NCAM1: variants seen among roughly 807,000 people sequenced by gnomAD.
NCAM1 encodes the protein neural cell adhesion molecule 1, also known as antigen recognized by monoclonal antibody 5.1H11.
In NCAM1, 14 loss-of-function variants were observed where a neutral mutation model predicts 109.8. That is an observed-to-expected ratio of 0.13 (90% CI 0.08 to 0.20). The LOEUF is 0.20. Among genes scored for constraint, NCAM1 ranks in the 10% least tolerant of loss-of-function variants. NCAM1 has a pLI of 1.00. For missense variants in NCAM1, 774 were observed against 1,109.9 expected (o/e 0.70, Z 4.30); for synonymous variants, 418 against 442.9 (o/e 0.94, Z 0.70).
chr11:113,194,581 A>T (rs1943796552), intron 1 of NCAM1, among the ~76,000 whole-genome samples: 1 of 152,170 alleles, frequency 6.6e-6, no homozygotes, highest in African/African-American at 2.4e-5. Context: ...GTTATCTGAA[A>T]GTTGTCTGTA....
At chr11:113,083,985 T>A (rs1191660725) in intron 1 of NCAM1, among the ~76,000 whole-genome samples, 8 of 152,042 alleles carry the variant, frequency 5.3e-5, no homozygotes, top group African/African-American at 1.9e-4. Flanking sequence ...GGGGAGGGAA[T>A]AGAAATGAAA....
chr11:113,220,140 A>G (rs928251639), intron 8 of NCAM1, among the ~76,000 whole-genome samples: 1 of 152,220 alleles, frequency 6.6e-6, no homozygotes, highest in Non-Finnish European at 1.5e-5. Flanking sequence ...TTTGAATCCT[A>G]GTATGAAAAA....
chr11:113,257,467 A>C (rs1591465534), intron 16 of NCAM1, among the ~76,000 whole-genome samples: 1 of 152,240 alleles, frequency 6.6e-6, no homozygotes. Flanking sequence ...CCTGAAATGC[A>C]CCTGACACTT....
At chr11:113,271,353 TAGAG>T (rs1480281903) in intron 18 of NCAM1, among the ~76,000 whole-genome samples, 3 of 100,164 alleles carry the variant, frequency 3.0e-5, no homozygotes, top group South Asian at 7.2e-4. Flanking sequence ...CTGGGCGACA[TAGAG>T]AGACTCTGTC....
chr11:113,051,818 C>T (rs1214897698), intron 1 of NCAM1, among the ~76,000 whole-genome samples: 9 of 152,166 alleles, frequency 5.9e-5, no homozygotes, highest in African/African-American at 2.2e-4. Flanking sequence ...CAATGACCAT[C>T]CTTTCAGCTT....
intron 14 of NCAM1, chr11:113,240,601 TAG>T: frequency 1.6e-6 from 1 of 627,546 alleles, no homozygotes; most frequent in Non-Finnish European, 2.8e-6. Context: ...GGTTTGACGT[TAG>T]AGAGAGCCCT....
Position 113,199,785 on chromosome 11 carries a change from A to AT in NCAM1, c.53-2593dup, listed in dbSNP as rs1456976713. On this transcript the variant is annotated intron_variant, in intron 1 of 19. Transcript: ENST00000316851. ...GTACCCTAAAACTTAAAGTATAATAATAAAAAAAAGAATATTTTGCAAATA... is the reference window on the plus strand; with the variant it reads ...GTACCCTAAAACTTAAAGTATAATAATTAAAAAAAAGAATATTTTGCAAATA... 4.6e-5 allele frequency among the ~76,000 whole-genome samples: 7 copies of AT among 151,476 alleles called. 1 individual carries two copies. Among genetic ancestry groups the AT allele is most frequent in the African/African-American group, 1.7e-4 (7 of 41,172 alleles).
intron 3 of NCAM1, 91 bp from the exon 4 acceptor site, chr11:113,205,432 A>G: frequency 4.7e-6 from 7 of 1,477,620 alleles, no homozygotes; most frequent in Non-Finnish European, 6.4e-6. Flanking sequence ...AGACTTGCCC[A>G]GGACTCAAGT....
At chr11:113,045,099 C>T (rs1555080576) in intron 1 of NCAM1, among the ~76,000 whole-genome samples, 2 of 152,144 alleles carry the variant, frequency 1.3e-5, no homozygotes, top group African/African-American at 4.8e-5. Flanking sequence ...GATATTTGAG[C>T]GAAAACATCC....
chr11:113,175,648 C>T (rs1555106890), intron 1 of NCAM1, among the ~76,000 whole-genome samples: 1 of 152,168 alleles, frequency 6.6e-6, no homozygotes, highest in Non-Finnish European at 1.5e-5. Context: ...TGCTTCTTTT[C>T]TTCACATGGA....
intron 17 of NCAM1, chr11:113,263,873 C>A (rs1369388559): frequency 1.0e-6 from 1 of 985,414 alleles, no homozygotes; most frequent in Non-Finnish European, 1.2e-6. Flanking sequence ...TCCCAGACTG[C>A]CCAGCCCAGG....
At chr11:113,234,409 A>G (rs1395048011) in intron 13 of NCAM1, among the ~76,000 whole-genome samples, 1 of 152,070 alleles carries the variant, frequency 6.6e-6, no homozygotes, top group African/African-American at 2.4e-5. Context: ...TTATCATCCC[A>G]AACTGAAACT....
rs782782478 is a variant in NCAM1, at chr11:113,273,071, C to T, written c.2456+1195C>T. The T allele has an allele frequency of 5.5e-5, 25 of 456,704 alleles. No individual in the cohort carries two copies. Among genetic ancestry groups the T allele is most frequent in the Non-Finnish European group, 1.0e-4 (23 of 226,938 alleles). 28.3% of individuals were successfully genotyped at this position (456,704 alleles called of 1,614,324 possible). The stretch of plus-strand genomic sequence containing the variant: ...CCAGTGAGACCACCACCCTGACCTC[C>T]AGTATTGCCCCGCCGGCCACGGCCA... On this transcript the variant is annotated intron_variant, in intron 19 of 19. Transcript: ENST00000316851. This position sits in a 1 kb window ranked among gnomAD's most constrained non-coding sequence, Gnocchi z 6.0.
Position 113,206,027 on chromosome 11 carries a change from C to T in NCAM1, c.491-16C>T, listed in dbSNP as rs1173391583. 2 of 1,613,750 alleles carry T rather than the reference C, an allele frequency of 1.2e-6. No homozygotes were observed. Among genetic ancestry groups the T allele is most frequent in the Non-Finnish European group, 1.7e-6 (2 of 1,179,822 alleles). Reference sequence around the variant, plus strand: ...CTGACTGATTCTTGGATGAACCTGCCTCTTATCTCTTCTAGTCCGATTCAT... The same window carrying T: ...CTGACTGATTCTTGGATGAACCTGCTTCTTATCTCTTCTAGTCCGATTCAT... On this transcript the variant is annotated splice_polypyrimidine_tract_variant and intron_variant, in intron 4 of 19. Coordinates refer to ENST00000316851, the MANE Select transcript of NCAM1 (RefSeq NM_181351.5).
intron 1 of NCAM1, among the ~76,000 whole-genome samples, chr11:113,124,782 A>G (rs1941111817): frequency 1.3e-5 from 2 of 152,246 alleles, no homozygotes; most frequent in South Asian, 4.1e-4. Flanking sequence ...TCAAGTCAGT[A>G]TAAGACACGT....
chr11:113,052,724 G>A (rs1294159228), intron 1 of NCAM1, among the ~76,000 whole-genome samples: 1 of 152,188 alleles, frequency 6.6e-6, no homozygotes, highest in Non-Finnish European at 1.5e-5. Context: ...GGGTACATGT[G>A]CAGGATGTGC....
chr11:113,164,608 A>T (rs1270188144), intron 1 of NCAM1, among the ~76,000 whole-genome samples: 2 of 152,216 alleles, frequency 1.3e-5, no homozygotes, highest in African/African-American at 4.8e-5. Flanking sequence ...TTCATGATAA[A>T]GGATAAGGAT....
intron 1 of NCAM1, among the ~76,000 whole-genome samples, chr11:113,063,260 G>A (rs1172075367): frequency 1.3e-5 from 2 of 152,196 alleles, no homozygotes; most frequent in East Asian, 3.9e-4. Context: ...AGGGCAGATA[G>A]CACTTTCCTG....
intron 15 of NCAM1, among the ~76,000 whole-genome samples, chr11:113,252,146 G>A (rs190900142): frequency 2.0e-4 from 31 of 152,288 alleles, no homozygotes; most frequent in African/African-American, 7.2e-4. Context: ...GGGTGCAGGG[G>A]CTCACACCTG....
Sources: allele counts gnomAD v4.1 joint callset (sites outside exome capture counted in the v4.1 genomes callset), GRCh38; gene constraint gnomAD v4.1.1; non-coding constraint Gnocchi (gnomAD v3.1); transcripts MANE v1.5; gene names NCBI Gene and HGNC (gene_info 2026-07-23, HGNC 2026-07-21).